The following TMEM164 variants were observed in gnomAD, a reference collection of about 807,000 sequenced individuals.
TMEM164 encodes the protein RP13-360B22.2.
A neutral mutation model predicts 18.8 loss-of-function variants in TMEM164; 4 were observed. The observed-to-expected ratio is 0.21, with a 90% CI of 0.10 to 0.49. The LOEUF is 0.49. Among genes scored for constraint, TMEM164 ranks in the 20% least tolerant of loss-of-function variants. The pLI, the probability that TMEM164 is intolerant of heterozygous loss-of-function variation, is 0.98. For missense variants in TMEM164, 108 were observed against 239.9 expected, an observed-to-expected ratio of 0.45 and a Z score of 3.63; for synonymous variants, 86 against 101.7, an observed-to-expected ratio of 0.85 and a Z score of 0.93.
At chrX:110,032,869 A>G (rs1602503470) in intron 2 of TMEM164, among the ~76,000 whole-genome samples, 1 of 112,301 alleles carries the variant, frequency 8.9e-6, no homozygotes, top group Non-Finnish European at 1.9e-5. Flanking sequence ...AAATTTAATA[A>G]GACATTTGTC....
rs772365724 is a variant in TMEM164 at position 110,141,804 on chromosome X, C to G, written c.508-2994C>G. On this transcript the variant is annotated intron_variant, in intron 4 of 6. Transcript: ENST00000372068. ...GTAAGTTCTTGGCTCCCATTCAACT[C>G]TCTTATTCTTGCCATTATGTTTCTT... 8.0e-5 allele frequency among the ~76,000 whole-genome samples: 9 copies of G among 112,603 alleles called. No individual in the cohort carries two copies. In the South Asian group the frequency reaches 3.3e-3, roughly 41 times the overall value.
At chrX:110,004,441 C>A (rs1178197966) in intron 2 of TMEM164, among the ~76,000 whole-genome samples, 1 of 110,988 alleles carries the variant, frequency 9.0e-6, no homozygotes, top group Non-Finnish European at 1.9e-5. Flanking sequence ...CCCAGCCCAA[C>A]CCTGCCGTGC....
chrX:110,057,094 C>A (rs909229838), intron 2 of TMEM164, among the ~76,000 whole-genome samples: 1 of 110,605 alleles, frequency 9.0e-6, no homozygotes, highest in African/African-American at 3.3e-5. Context: ...GTATTTTCAC[C>A]TATAGTCGCC....
At chrX:110,005,317 T>G (rs893228611) in intron 2 of TMEM164, among the ~76,000 whole-genome samples, 1 of 111,553 alleles carries the variant, frequency 9.0e-6, no homozygotes, top group African/African-American at 3.3e-5. Flanking sequence ...GAAGATGAAT[T>G]AGTGCCTGGG....
chrX:110,003,121 C>A lies in TMEM164; in HGVS notation c.-332C>A, dbSNP rs1385821978. The A allele has an allele frequency of 8.9e-6, 1 of 112,527 alleles. No homozygotes were observed. The highest frequency in any genetic ancestry group is 3.2e-5 in the African/African-American group (1 of 30,932). 9.3% of individuals were successfully genotyped at this position (112,527 alleles called of 1,213,427 possible). ...GAGGGGCCCGTCGGCGGCGAAGTTG[C>A]TAGCTGGGGGCAGAGACGGCCACGC... On this transcript the variant is annotated 5_prime_UTR_variant, in exon 1 of 7. Transcript: ENST00000372068.
chrX:110,172,864 C>A (rs2067249351), intron 6 of TMEM164, among the ~76,000 whole-genome samples: 1 of 111,993 alleles, frequency 8.9e-6, no homozygotes, highest in African/African-American at 3.2e-5. Context: ...CCTTTGACCA[C>A]CCCCACTTGA....
chrX:110,133,753 T>C (rs1014407948), intron 4 of TMEM164, among the ~76,000 whole-genome samples: 1 of 111,737 alleles, frequency 8.9e-6, no homozygotes, highest in African/African-American at 3.3e-5. Context: ...TGAACTATTA[T>C]TATTATCCTT....
chrX:110,073,255 C>A (rs1459110394), intron 3 of TMEM164, among the ~76,000 whole-genome samples: 2 of 111,056 alleles, frequency 1.8e-5, no homozygotes, highest in Non-Finnish European at 3.8e-5. Flanking sequence ...AGGCTGGTCT[C>A]AAACTCCTGG....
At chrX:110,173,094 G>A in intron 6 of TMEM164, 151 bp from the exon 7 acceptor site, 2 of 538,564 alleles carry the variant, frequency 3.7e-6, no homozygotes, top group Non-Finnish European at 6.0e-6. Context: ...TCAGAAAACC[G>A]AGGGGAGAGA....
intron 3 of TMEM164, among the ~76,000 whole-genome samples, chrX:110,092,370 C>G (rs1278939998): frequency 3.6e-5 from 4 of 111,731 alleles, no homozygotes; most frequent in Non-Finnish European, 7.5e-5. Flanking sequence ...TTGTTTGTAT[C>G]CTCTTTTATT....
intron 3 of TMEM164, among the ~76,000 whole-genome samples, chrX:110,096,860 T>A (rs935533493): frequency 2.7e-5 from 3 of 111,405 alleles, no homozygotes; most frequent in African/African-American, 9.8e-5. Context: ...AAACGCAAGG[T>A]CCTAACTGCA....
intron 4 of TMEM164, among the ~76,000 whole-genome samples, chrX:110,125,322 G>A (rs2066513583): frequency 8.9e-6 from 1 of 111,837 alleles, no homozygotes; most frequent in Non-Finnish European, 1.9e-5. Flanking sequence ...CGAAATGATT[G>A]TTGCGGGGAG....
At chrX:110,144,350 G>T (rs1489721080) in intron 4 of TMEM164, among the ~76,000 whole-genome samples, 1 of 111,947 alleles carries the variant, frequency 8.9e-6, no homozygotes, top group Non-Finnish European at 1.9e-5. Context: ...GTGACATAAG[G>T]TTGTGATTCT....
At chrX:110,045,480 T>C (rs1232357833) in intron 2 of TMEM164, among the ~76,000 whole-genome samples, 2 of 111,818 alleles carry the variant, frequency 1.8e-5, no homozygotes, top group East Asian at 5.6e-4. Context: ...CTATGCCTTC[T>C]GGTCCATATC....
chrX:110,134,843 G>T (rs1194876889), intron 4 of TMEM164, among the ~76,000 whole-genome samples: 2 of 110,477 alleles, frequency 1.8e-5, no homozygotes, highest in Admixed American at 9.7e-5. Context: ...TTAAAAACTA[G>T]AACAAATTAA....
At chrX:110,016,321 C>G (rs759522885) in intron 2 of TMEM164, among the ~76,000 whole-genome samples, 18 of 112,448 alleles carry the variant, frequency 1.6e-4, no homozygotes, top group Non-Finnish European at 2.4e-4. Context: ...TTCTCTTTCC[C>G]TTCTTTCCTT....
chrX:110,139,063 C>G (rs1023353835), intron 4 of TMEM164, among the ~76,000 whole-genome samples: 9 of 112,391 alleles, frequency 8.0e-5, no homozygotes, highest in African/African-American at 2.9e-4. Context: ...TAAAGGAAAG[C>G]AGAGAAATAG....
chrX:110,057,990 G>A (rs747067077), intron 2 of TMEM164, among the ~76,000 whole-genome samples: 2 of 111,547 alleles, frequency 1.8e-5, no homozygotes, highest in South Asian at 3.7e-4. Context: ...TTTCTTGCAC[G>A]TGCTTTTGAT....
At chrX:110,043,763 G>C (rs193219955) in intron 2 of TMEM164, among the ~76,000 whole-genome samples, 15 of 112,420 alleles carry the variant, frequency 1.3e-4, no homozygotes, top group African/African-American at 4.5e-4. Flanking sequence ...ATCTGCCAGA[G>C]ATAATCATTA....
Sources: allele counts gnomAD v4.1 joint callset (sites outside exome capture counted in the v4.1 genomes callset), GRCh38; gene constraint gnomAD v4.1.1; transcripts MANE v1.5; gene names NCBI Gene and HGNC (gene_info 2026-07-23, HGNC 2026-07-21).